CNKSR2: variants seen among roughly 807,000 people sequenced by gnomAD.
CNKSR2 encodes CNK homolog protein 2.
In CNKSR2, 14 loss-of-function variants were observed where a neutral mutation model predicts 84.4. The ratio of observed to expected loss-of-function variants is 0.17; its 90% CI spans 0.11 to 0.26. CNKSR2 has a LOEUF of 0.26. CNKSR2 is among the 10% of genes least tolerant of loss of function. The pLI is 1.00. For missense variants in CNKSR2, 485 were observed against 771.2 expected (o/e 0.63, Z 4.40); for synonymous variants, 275 against 277.9 (o/e 0.99, Z 0.10).
Position 21,566,169 on chromosome X carries a change from A to T in CNKSR2, c.1608+2717A>T, listed in dbSNP as rs147932322. On this transcript the variant is annotated intron_variant, in intron 13 of 21. Transcript: ENST00000379510. ...TGTTAATAATGTTTTCAGTGCCTGG[A>T]TTGATTTCTTTTTTGCTTCATGTTA... Among the ~76,000 whole-genome samples, 563 of 111,435 alleles carry T rather than the reference A, an allele frequency of 5.1e-3. 13 individuals are homozygous for T. The highest frequency in any genetic ancestry group is 0.045 in the Admixed American group (468 of 10,472).
intron 4 of CNKSR2, among the ~76,000 whole-genome samples, chrX:21,451,839 A>C (rs1055719441): frequency 3.6e-5 from 4 of 110,635 alleles, no homozygotes; most frequent in African/African-American, 1.3e-4. Flanking sequence ...CCTAAAACTT[A>C]AAGTATAATA....
Position 21,423,458 on chromosome X carries a change from T to C in CNKSR2, c.65-3039T>C, listed in dbSNP as rs535129761. The stretch of plus-strand genomic sequence containing the variant: ...AGAATTGATATAAAACTATTGAAAG[T>C]GTAGCCTTTTTCAAAATAAGTTAGG... On this transcript the variant is annotated intron_variant, in intron 1 of 21. Coordinates refer to ENST00000379510, the MANE Select transcript of CNKSR2 (RefSeq NM_014927.5). 4 of 112,222 alleles carry C rather than the reference T, an allele frequency of 3.6e-5. No homozygotes were observed. In the Middle Eastern group the frequency reaches 0.014, roughly 386 times the overall value. 9.2% of individuals were successfully genotyped at this position (112,222 alleles called of 1,213,427 possible).
At position 21,466,017 on chromosome X, in the gene CNKSR2, A is replaced by C. The variant is rs920429647; in HGVS notation, c.520-4749A>C. 2.7e-5 allele frequency among the ~76,000 whole-genome samples: 3 copies of C among 111,908 alleles called. No homozygotes were observed. In the East Asian group the frequency reaches 8.4e-4, roughly 31 times the overall value. Reference sequence around the variant, plus strand: ...TCAAGAAACACGCCTCATTTTTATGAATATTTTCTCATTAGGAATTTGGCT... The same window carrying C: ...TCAAGAAACACGCCTCATTTTTATGCATATTTTCTCATTAGGAATTTGGCT... On this transcript the variant is annotated intron_variant, in intron 4 of 21. Transcript: ENST00000379510.
chrX:21,514,768 A>G (rs2147093344), intron 8 of CNKSR2, among the ~76,000 whole-genome samples: 1 of 111,640 alleles, frequency 9.0e-6, no homozygotes, highest in East Asian at 2.8e-4. Context: ...GTTATCATTA[A>G]TAAGTTGTTC....
At chrX:21,502,813 C>T (rs932063316) in intron 8 of CNKSR2, among the ~76,000 whole-genome samples, 1 of 111,373 alleles carries the variant, frequency 9.0e-6, no homozygotes, top group Non-Finnish European at 1.9e-5. Flanking sequence ...AAAGCCTTTC[C>T]ACACTATGAC....
chrX:21,465,815 A>C (rs1490542802), intron 4 of CNKSR2, among the ~76,000 whole-genome samples: 1 of 111,555 alleles, frequency 9.0e-6, no homozygotes, highest in African/African-American at 3.3e-5. Context: ...GGCGCTTAAA[A>C]CTTGTTGACA....
intron 4 of CNKSR2, among the ~76,000 whole-genome samples, chrX:21,446,468 A>C (rs2090856704): frequency 9.0e-6 from 1 of 111,015 alleles, no homozygotes; most frequent in African/African-American, 3.3e-5. Flanking sequence ...CAGAATGAAG[A>C]GATAAGAGTG....
intron 1 of CNKSR2, among the ~76,000 whole-genome samples, chrX:21,414,728 A>G (rs767579703): frequency 8.9e-6 from 1 of 111,844 alleles, no homozygotes; most frequent in East Asian, 2.8e-4. Context: ...TGAATTTTGT[A>G]TATAGCAGGA....
In CNKSR2 at chrX:21,513,239, A is replaced by T. The variant is rs72620277; in HGVS notation, c.811-3246A>T. ...AAAGAGATTATTGTAAGAAGACAGC[A>T]TGAAATATTAGAAAGATGTGTAACA... On this transcript the variant is annotated intron_variant, in intron 8 of 21. Transcript: ENST00000379510. Among the ~76,000 whole-genome samples the T allele has an allele frequency of 1.5e-4, 17 of 111,944 alleles. No homozygotes were observed. In the East Asian group the frequency reaches 4.5e-3, roughly 30 times the overall value.
At chrX:21,550,873 A>G (rs573035525) in intron 11 of CNKSR2, among the ~76,000 whole-genome samples, 10 of 110,144 alleles carry the variant, frequency 9.1e-5, no homozygotes, top group African/African-American at 3.3e-4. Context: ...TGTCTCTACT[A>G]AAAATACAGA....
intron 20 of CNKSR2, among the ~76,000 whole-genome samples, chrX:21,624,286 T>TC (rs1320758581): frequency 8.9e-6 from 1 of 111,754 alleles, no homozygotes; most frequent in African/African-American, 3.3e-5. Flanking sequence ...GTGGCTATCA[T>TC]CCCAAAGGTG....
chrX:21,530,325 G>A (rs2091874180), intron 10 of CNKSR2, among the ~76,000 whole-genome samples: 1 of 111,208 alleles, frequency 9.0e-6, no homozygotes, highest in African/African-American at 3.3e-5. Flanking sequence ...TCAGTCTGGA[G>A]AATGTTGTTT....
intron 19 of CNKSR2, chrX:21,607,876 A>G (rs1261199927): frequency 1.8e-5 from 2 of 111,091 alleles, no homozygotes; most frequent in African/African-American, 6.6e-5. Flanking sequence ...TCTTGGGACT[A>G]AGTCTTCCAC....
At chrX:21,527,758 A>G (rs1194012595) in intron 10 of CNKSR2, among the ~76,000 whole-genome samples, 1 of 111,383 alleles carries the variant, frequency 9.0e-6, no homozygotes, top group East Asian at 2.8e-4. Context: ...AATACCAATC[A>G]CAAAAAAACT....
chrX:21,415,694 G>A (rs1295487583), intron 1 of CNKSR2, among the ~76,000 whole-genome samples: 1 of 103,238 alleles, frequency 9.7e-6, no homozygotes, highest in Non-Finnish European at 2.0e-5. Flanking sequence ...TAAATGACGA[G>A]TTAATGGGTG....
chrX:21,551,513 A>G (rs2147166419), intron 11 of CNKSR2, among the ~76,000 whole-genome samples: 1 of 112,577 alleles, frequency 8.9e-6, no homozygotes, highest in African/African-American at 3.2e-5. Flanking sequence ...TCGAAAAGAT[A>G]TGAACTAGAT....
chrX:21,408,998 A>C (rs1331233484), intron 1 of CNKSR2, among the ~76,000 whole-genome samples: 1 of 107,522 alleles, frequency 9.3e-6, no homozygotes, highest in East Asian at 2.9e-4. Flanking sequence ...AGGAATTTAC[A>C]CTGTGCTAAG....
At chrX:21,547,510 G>C (rs1239731517) in intron 11 of CNKSR2, among the ~76,000 whole-genome samples, 1 of 111,309 alleles carries the variant, frequency 9.0e-6, no homozygotes, top group African/African-American at 3.3e-5. Context: ...GTCAATATTA[G>C]ACAGATCAAT....
intron 20 of CNKSR2, among the ~76,000 whole-genome samples, chrX:21,640,002 T>G (rs748395586): frequency 8.9e-6 from 1 of 111,770 alleles, no homozygotes; most frequent in Admixed American, 9.6e-5. Context: ...TTATGCTAAC[T>G]AACTGGTAGC....
Sources: gnomAD v4.1 joint callset for allele counts (sites outside exome capture counted in the v4.1 genomes callset) on GRCh38, gnomAD v4.1.1 for gene constraint, MANE v1.5 for transcripts, NCBI Gene and HGNC (gene_info 2026-07-23, HGNC 2026-07-21) for gene names.